TBC1D5: variants seen among roughly 807,000 people sequenced by gnomAD.
The protein encoded by TBC1D5 is TBC1 domain family, member 5.
TBC1D5 carries 75 observed loss-of-function variants against 100.3 expected under a neutral mutation model. The observed-to-expected ratio is 0.75, with a 90% CI of 0.62 to 0.91. The LOEUF is 0.91. Among genes scored for constraint, TBC1D5 ranks in the 40% least tolerant of loss-of-function variants. TBC1D5 has a pLI of 0.00. For missense variants in TBC1D5, 910 were observed against 942.4 expected (o/e 0.97, Z 0.45); for synonymous variants, 323 against 325.6 (o/e 0.99, Z 0.09).
At chr3:17,719,928 T>C (rs1423226651) in intron 1 of TBC1D5, among the ~76,000 whole-genome samples, 1 of 152,202 alleles carries the variant, frequency 6.6e-6, no homozygotes, top group African/African-American at 2.4e-5. Context: ...AGTATAATCC[T>C]AACACTCTTT....
At chr3:17,392,154 C>CT (rs2093368178) in intron 8 of TBC1D5, among the ~76,000 whole-genome samples, 1 of 152,044 alleles carries the variant, frequency 6.6e-6, no homozygotes, top group South Asian at 2.1e-4. Context: ...TCAGAAAGCT[C>CT]TAAGATGATG....
chr3:17,490,885 T>C (rs1015731772), intron 3 of TBC1D5, among the ~76,000 whole-genome samples: 13 of 152,336 alleles, frequency 8.5e-5, no homozygotes, highest in African/African-American at 2.2e-4. Context: ...ATTAGATCTA[T>C]AAATTACTTT....
chr3:17,238,915 A>C (rs1357886314), intron 16 of TBC1D5, among the ~76,000 whole-genome samples: 2 of 152,170 alleles, frequency 1.3e-5, no homozygotes, highest in African/African-American at 4.8e-5. Flanking sequence ...CAAATTTAAT[A>C]TGATTTTGAA....
At chr3:17,491,982 G>C (rs1160805190) in intron 3 of TBC1D5, among the ~76,000 whole-genome samples, 1 of 152,064 alleles carries the variant, frequency 6.6e-6, no homozygotes, top group Non-Finnish European at 1.5e-5. Context: ...AACTTATTAT[G>C]GGTTTATTAA....
At chr3:17,504,120 TAGGAAAGAGAAAGACA>T in intron 3 of TBC1D5, among the ~76,000 whole-genome samples, 1 of 5,428 alleles carries the variant, frequency 1.8e-4, no homozygotes, top group Non-Finnish European at 3.7e-4. Context: ...CAACTTAAGA[TAGGAAAGAGAAAGACA>T]GATGGAGGAA....
intron 1 of TBC1D5, among the ~76,000 whole-genome samples, chr3:17,661,065 A>C (rs1424976448): frequency 6.6e-6 from 1 of 152,246 alleles, no homozygotes; most frequent in Non-Finnish European, 1.5e-5. Flanking sequence ...GATTGCATAA[A>C]AATATTTATA....
At chr3:17,430,381 A>T (rs922761352) in intron 3 of TBC1D5, among the ~76,000 whole-genome samples, 2 of 151,804 alleles carry the variant, frequency 1.3e-5, no homozygotes, top group Admixed American at 1.3e-4. Flanking sequence ...AAATCCTTCA[A>T]ATAATTAAGA....
intron 13 of TBC1D5, among the ~76,000 whole-genome samples, chr3:17,349,430 G>A (rs908929744): frequency 6.6e-6 from 1 of 152,154 alleles, no homozygotes; most frequent in African/African-American, 2.4e-5. Flanking sequence ...TGATTTTTCT[G>A]TTTAAAATAA....
intron 13 of TBC1D5, among the ~76,000 whole-genome samples, chr3:17,334,260 G>C (rs1219405590): frequency 6.6e-6 from 1 of 152,026 alleles, no homozygotes; most frequent in Non-Finnish European, 1.5e-5. Flanking sequence ...CTGACTTTAT[G>C]AGCCACCTGA....
At chr3:17,279,011 C>T (rs2080307049) in intron 15 of TBC1D5, among the ~76,000 whole-genome samples, 2 of 152,192 alleles carry the variant, frequency 1.3e-5, no homozygotes, top group African/African-American at 4.8e-5. Context: ...AAATTATCCA[C>T]ATCATGAATT....
chr3:17,337,470 C>G (rs961699865), intron 13 of TBC1D5: 1 of 152,178 alleles, frequency 6.6e-6, no homozygotes, highest in Admixed American at 6.5e-5. Context: ...CATTGTCAAT[C>G]ACTTTGTGAT....
At chr3:17,308,608 T>C (rs1030116499) in intron 13 of TBC1D5, among the ~76,000 whole-genome samples, 2 of 152,176 alleles carry the variant, frequency 1.3e-5, no homozygotes, top group Non-Finnish European at 2.9e-5. Context: ...CTCACTTCTA[T>C]TTAAAATAAT....
chr3:17,339,389 T>C (rs2088486806), intron 13 of TBC1D5, among the ~76,000 whole-genome samples: 1 of 152,246 alleles, frequency 6.6e-6, no homozygotes, highest in Admixed American at 6.5e-5. Flanking sequence ...TGTTTATTCC[T>C]AGGAGCCTTT....
chr3:17,537,586 G>A (rs946567949), intron 2 of TBC1D5, among the ~76,000 whole-genome samples: 1 of 152,044 alleles, frequency 6.6e-6, no homozygotes, highest in Non-Finnish European at 1.5e-5. Flanking sequence ...CCCCACTCCT[G>A]GCAATCACCA....
intron 1 of TBC1D5, among the ~76,000 whole-genome samples, chr3:17,719,194 C>T (rs1371762728): frequency 6.6e-6 from 1 of 152,102 alleles, no homozygotes; most frequent in Non-Finnish European, 1.5e-5. Flanking sequence ...CAAATGAAAG[C>T]TTACCATCAA....
intron 4 of TBC1D5, among the ~76,000 whole-genome samples, chr3:17,422,107 A>G (rs1428175616): frequency 6.6e-6 from 1 of 152,156 alleles, no homozygotes; most frequent in Non-Finnish European, 1.5e-5. Context: ...CATCTTTCAT[A>G]TAACTTCTAG....
chr3:17,408,706 T>C (rs921538827), intron 4 of TBC1D5, among the ~76,000 whole-genome samples: 5 of 152,158 alleles, frequency 3.3e-5, no homozygotes, highest in African/African-American at 1.2e-4. Flanking sequence ...TTTTCATACA[T>C]TAAAGACATC....
chr3:17,386,056 T>C (rs1400432069), intron 8 of TBC1D5, among the ~76,000 whole-genome samples: 1 of 152,100 alleles, frequency 6.6e-6, no homozygotes, highest in Non-Finnish European at 1.5e-5. Flanking sequence ...GGATAAAAGA[T>C]AGGTAAGTAG....
At chr3:17,334,648 A>G (rs2087404900) in intron 13 of TBC1D5, among the ~76,000 whole-genome samples, 1 of 152,144 alleles carries the variant, frequency 6.6e-6, no homozygotes, top group Non-Finnish European at 1.5e-5. Context: ...TCTTAAATAT[A>G]ATCTCATTGT....
Sources: allele counts gnomAD v4.1 joint callset (sites outside exome capture counted in the v4.1 genomes callset), GRCh38; gene constraint gnomAD v4.1.1; transcripts MANE v1.5; gene names NCBI Gene and HGNC (gene_info 2026-07-23, HGNC 2026-07-21).